The following RAPGEF6 variants were observed in gnomAD, a reference collection of about 807,000 sequenced individuals.
The protein encoded by RAPGEF6 is PDZ domain containing guanine nucleotide exchange factor (GEF) 2.
Under a neutral mutation model 171.4 loss-of-function variants are expected in RAPGEF6, and 56 were observed. The ratio of observed to expected loss-of-function variants is 0.33; its 90% CI spans 0.26 to 0.41. RAPGEF6 has a LOEUF of 0.41. Among genes scored for constraint, RAPGEF6 ranks in the 10% least tolerant of loss-of-function variants. The pLI is 1.00. For missense variants in RAPGEF6, 1,674 were observed against 1,921.4 expected, an observed-to-expected ratio of 0.87 and a Z score of 2.41; for synonymous variants, 692 against 650.1, an observed-to-expected ratio of 1.06 and a Z score of -0.98.
chr5:131,445,070 C>T (rs1752599896), intron 22 of RAPGEF6, among the ~76,000 whole-genome samples: 1 of 152,170 alleles, frequency 6.6e-6, no homozygotes, highest in South Asian at 2.1e-4. Flanking sequence ...GTACTCCCAA[C>T]CCTTGCCCAA....
At chr5:131,543,310 T>C (rs3776005) in intron 6 of RAPGEF6, among the ~76,000 whole-genome samples, 112,144 of 151,978 alleles carry the variant, frequency 0.74, 41,638 homozygotes, top group Middle Eastern at 0.81. Flanking sequence ...TCAAATAAAC[T>C]GATTAAGTAG....
chr5:131,537,648 A>T (rs578101622), intron 6 of RAPGEF6, among the ~76,000 whole-genome samples: 74 of 152,310 alleles, frequency 4.9e-4, no homozygotes, highest in African/African-American at 1.7e-3. Flanking sequence ...ACACAAGGAT[A>T]CATAACTAAA....
chr5:131,606,163 G>A (rs2150018422), intron 1 of RAPGEF6, among the ~76,000 whole-genome samples: 2 of 151,730 alleles, frequency 1.3e-5, no homozygotes, highest in East Asian at 1.9e-4. Flanking sequence ...AGGAGTTAGA[G>A]ACCAGCCTGG....
chr5:131,472,574 A>G lies in RAPGEF6; in HGVS notation c.2239+13T>C, dbSNP rs757609478. On this transcript the variant is annotated intron_variant, in intron 17 of 27. Transcript: ENST00000509018. ...TACCAATACGGCAATATAAAATCAC[A>G]TATGAAAATTACCTGAAGGATTGGA... 3 of 1,609,902 alleles carry G rather than the reference A, an allele frequency of 1.9e-6. No homozygotes were observed. Among genetic ancestry groups the G allele is most frequent in the Non-Finnish European group, 2.6e-6 (3 of 1,176,324 alleles).
At chr5:131,539,181 T>C (rs1179232618) in intron 6 of RAPGEF6, among the ~76,000 whole-genome samples, 1 of 152,194 alleles carries the variant, frequency 6.6e-6, no homozygotes, top group Non-Finnish European at 1.5e-5. Flanking sequence ...AAAGATCCCA[T>C]TTGCAAACTT....
intron 1 of RAPGEF6, among the ~76,000 whole-genome samples, chr5:131,608,607 C>G (rs556814554): frequency 1.3e-5 from 2 of 152,110 alleles, no homozygotes; most frequent in Admixed American, 6.5e-5. Context: ...AATTTGATCC[C>G]CAATGTAGCA....
intron 1 of RAPGEF6, among the ~76,000 whole-genome samples, chr5:131,625,381 G>C (rs58116629): frequency 6.6e-6 from 1 of 152,152 alleles, no homozygotes; most frequent in African/African-American, 2.4e-5. Flanking sequence ...GGGAGGAGGA[G>C]AAATTATCTT....
In RAPGEF6 at chr5:131,548,303, T is replaced by C. The variant is rs17671387; in HGVS notation, c.352-113A>G. On this transcript the variant is annotated intron_variant, in intron 5 of 27. Transcript: ENST00000509018. The stretch of plus-strand genomic sequence containing the variant: ...GCTTCATTTACTTCTTACAAGAAAC[T>C]GCCTCAAGAAAACAGTCTGTATAGC... 1.0e-5 allele frequency: 11 copies of C among 1,056,186 alleles called. No individual in the cohort carries two copies. In the Admixed American group the frequency reaches 2.1e-4, roughly 20 times the overall value. 65.4% of individuals were successfully genotyped at this position (1,056,186 alleles called of 1,614,324 possible). A position where few individuals can be genotyped will look rare whatever the true frequency, so the allele number is the denominator to read the frequency against.
chr5:131,500,584 C>G (rs1016389316), intron 11 of RAPGEF6, among the ~76,000 whole-genome samples: 1 of 152,152 alleles, frequency 6.6e-6, no homozygotes, highest in Non-Finnish European at 1.5e-5. Flanking sequence ...CCCAGCCACA[C>G]AAATTTCCTG....
chr5:131,553,402 A>G (rs1180571008), intron 5 of RAPGEF6, among the ~76,000 whole-genome samples: 1 of 152,188 alleles, frequency 6.6e-6, no homozygotes, highest in Non-Finnish European at 1.5e-5. Context: ...AACTCACATA[A>G]AAAAGGAAAG....
chr5:131,567,133 T>C (rs1483037389), intron 4 of RAPGEF6, among the ~76,000 whole-genome samples: 1 of 152,082 alleles, frequency 6.6e-6, no homozygotes, highest in Non-Finnish European at 1.5e-5. Flanking sequence ...ATTTAAAATT[T>C]CTTTAGGATG....
At chr5:131,610,550 A>C (rs1287580099) in intron 1 of RAPGEF6, among the ~76,000 whole-genome samples, 1 of 152,208 alleles carries the variant, frequency 6.6e-6, no homozygotes, top group Non-Finnish European at 1.5e-5. Flanking sequence ...TCCCAGCATT[A>C]GCCTGAGAAG....
At chr5:131,618,418 G>A (rs560242531) in intron 1 of RAPGEF6, among the ~76,000 whole-genome samples, 1 of 152,178 alleles carries the variant, frequency 6.6e-6, no homozygotes, top group South Asian at 2.1e-4. Context: ...ATCACTTGAG[G>A]TCAGGAGTTC....
rs1363887210 is a variant in RAPGEF6 at position 131,442,450 on chromosome 5, G to T, written c.3509C>A (p.Ala1170Asp). 2 of 1,614,024 alleles carry T rather than the reference G, an allele frequency of 1.2e-6. No homozygotes were observed. Among genetic ancestry groups the T allele is most frequent in the Admixed American group, 1.7e-5 (1 of 59,992 alleles). ...TACTCTGTGGGGTTGATGCAAGTGG[G>T]CTTTAGTTGTTTGGCCAGCTGACCT... ...PMRSAGQTTK[A>D]HLHQPHRVSQ... Residue 1170 changes from alanine (A) to aspartate (D), a missense_variant, in exon 23 of 28, where the codon GCC (alanine) becomes GAC (aspartate). Transcript: ENST00000509018.
At chr5:131,449,432 T>C (rs1293089525) in intron 21 of RAPGEF6, among the ~76,000 whole-genome samples, 1 of 152,228 alleles carries the variant, frequency 6.6e-6, no homozygotes, top group Non-Finnish European at 1.5e-5. Context: ...TAGTACAGCT[T>C]GGATAAGGGC....
chr5:131,458,075 C>T (rs972603257), intron 19 of RAPGEF6, among the ~76,000 whole-genome samples: 1 of 152,156 alleles, frequency 6.6e-6, no homozygotes, highest in Non-Finnish European at 1.5e-5. Flanking sequence ...ATCCCATTCA[C>T]AACAGCAATA....
intron 24 of RAPGEF6, chr5:131,436,439 T>C: frequency 2.2e-6 from 3 of 1,371,806 alleles, no homozygotes; most frequent in Non-Finnish European, 1.9e-6. Flanking sequence ...CTTGTTTACA[T>C]AATATTTCAC....
intron 1 of RAPGEF6, among the ~76,000 whole-genome samples, chr5:131,620,560 T>A (rs1765536906): frequency 6.6e-6 from 1 of 152,224 alleles, no homozygotes; most frequent in Non-Finnish European, 1.5e-5. Context: ...ATAACTGAAA[T>A]AACTGGATTC....
At chr5:131,478,215 G>T (rs774247306) in intron 16 of RAPGEF6, among the ~76,000 whole-genome samples, 2 of 152,066 alleles carry the variant, frequency 1.3e-5, no homozygotes, top group African/African-American at 2.4e-5. Flanking sequence ...GGAAGATGAG[G>T]ATATCTGATT....
Sources: allele counts gnomAD v4.1 joint callset (sites outside exome capture counted in the v4.1 genomes callset), GRCh38; gene constraint gnomAD v4.1.1; transcripts MANE v1.5; gene names NCBI Gene and HGNC (gene_info 2026-07-23, HGNC 2026-07-21).